COL26A1: variants seen among roughly 807,000 people sequenced by gnomAD.
The protein encoded by COL26A1 is collagen alpha-1(XXVI) chain.
COL26A1 carries 41 observed loss-of-function variants against 59.3 expected under a neutral mutation model. The ratio of observed to expected loss-of-function variants is 0.69; its 90% CI spans 0.54 to 0.90. The LOEUF (loss-of-function observed/expected upper bound fraction) is 0.90. Ranked by LOEUF, COL26A1 falls within the 40% of genes least tolerant of loss-of-function variation. The pLI is 0.00. For missense variants in COL26A1, 612 were observed against 602.3 expected (o/e 1.02, Z -0.17); for synonymous variants, 266 against 256.0 (o/e 1.04, Z -0.37).
At chr7:101,444,528 C>T (rs1328438874) in intron 2 of COL26A1, among the ~76,000 whole-genome samples, 2 of 151,530 alleles carry the variant, frequency 1.3e-5, no homozygotes, top group Non-Finnish European at 2.9e-5. Context: ...GATTCTCCTG[C>T]GTCAACCTCC....
chr7:101,545,357 G>A lies in COL26A1; in HGVS notation c.723G>A (p.Gly241=). 1.3e-6 allele frequency: 2 copies of A among 1,579,024 alleles called. No homozygotes were observed. Among genetic ancestry groups the A allele is most frequent in the Non-Finnish European group, 1.7e-6 (2 of 1,167,774 alleles). ...AGPPGLLGPP[G]PRGLPGEMGR... ...TTGCAGGGCTCCTGGGGCCTCCAGGGCCCCGTGGGCTTCCTGGAGAGATGG... is the reference window on the plus strand; with the variant it reads ...TTGCAGGGCTCCTGGGGCCTCCAGGACCCCGTGGGCTTCCTGGAGAGATGG... Residue 241 remains glycine, a synonymous_variant, in exon 7 of 13, where the codon GGG becomes GGA. Transcript: ENST00000313669.
chr7:101,443,470 C>T (rs756338310), intron 2 of COL26A1, among the ~76,000 whole-genome samples: 1 of 152,186 alleles, frequency 6.6e-6, no homozygotes, highest in Non-Finnish European at 1.5e-5. Context: ...GTCAACAGTG[C>T]GTCTCCAAAC....
intron 1 of COL26A1, among the ~76,000 whole-genome samples, chr7:101,406,989 GT>G (rs1792142865): frequency 6.6e-6 from 1 of 152,026 alleles, no homozygotes; most frequent in Non-Finnish European, 1.5e-5. Flanking sequence ...TACTTTCCAC[GT>G]TTTCACCTCC....
At chr7:101,551,227 T>A in intron 10 of COL26A1, 84 bp downstream of exon 10, 1 of 102,874 alleles carries the variant, frequency 9.7e-6, no homozygotes, top group Non-Finnish European at 1.8e-5. Flanking sequence ...TGGCGGGGGT[T>A]GGTGGGGGGG....
At chr7:101,466,275 A>G (rs1793755615) in intron 3 of COL26A1, among the ~76,000 whole-genome samples, 2 of 152,082 alleles carry the variant, frequency 1.3e-5, no homozygotes, top group South Asian at 2.1e-4. Context: ...AGAATTGTCA[A>G]TATATTGTAT....
chr7:101,441,597 C>T (rs1279229706), intron 2 of COL26A1, among the ~76,000 whole-genome samples: 1 of 152,178 alleles, frequency 6.6e-6, no homozygotes, highest in Non-Finnish European at 1.5e-5. Context: ...GGATTACAGG[C>T]GTGAGCCACC....
Position 101,509,440 on chromosome 7 carries a change from T to C in COL26A1, c.386-23642T>C, listed in dbSNP as rs930860994. On this transcript the variant is annotated intron_variant, in intron 3 of 12. Coordinates refer to ENST00000313669, the MANE Select transcript of COL26A1 (RefSeq NM_001278563.3). Reference sequence around the variant, plus strand: ...CAGCTCAGGCTACAGACTGAGACCCTGTCTCAAAAAAAAGAAAAAAGAAAA... The same window carrying C: ...CAGCTCAGGCTACAGACTGAGACCCCGTCTCAAAAAAAAGAAAAAAGAAAA... Among the ~76,000 whole-genome samples the C allele has an allele frequency of 3.9e-5, 6 of 151,980 alleles. No individual in the cohort carries two copies. The East Asian group carries it at 7.7e-4, about 20-fold the overall frequency.
intron 2 of COL26A1, among the ~76,000 whole-genome samples, chr7:101,430,527 G>A (rs1393926404): frequency 6.7e-6 from 1 of 149,252 alleles, no homozygotes. Flanking sequence ...TTGACCTCAT[G>A]ATCTGCCTGC....
rs1470268976 is a variant in COL26A1 at position 101,385,590 on chromosome 7, C to T, written c.158+22400C>T. 2.0e-5 allele frequency among the ~76,000 whole-genome samples: 3 copies of T among 151,912 alleles called. No homozygotes were observed. In the East Asian group the frequency reaches 5.8e-4, roughly 29 times the overall value. On this transcript the variant is annotated intron_variant, in intron 1 of 12. Coordinates refer to ENST00000313669, the MANE Select transcript of COL26A1 (RefSeq NM_001278563.3). The stretch of plus-strand genomic sequence containing the variant: ...TTCTCCATGTTGGCCAGGCTGGTCT[C>T]GAACTCCTGACCTCAAGTGATCCAC...
chr7:101,434,908 T>TTTA (rs1554410304), intron 2 of COL26A1, among the ~76,000 whole-genome samples: 3 of 151,760 alleles, frequency 2.0e-5, no homozygotes, highest in African/African-American at 7.3e-5. Flanking sequence ...GGAGGACATG[T>TTTA]TCAAAGATTC....
intron 3 of COL26A1, among the ~76,000 whole-genome samples, chr7:101,470,096 CT>C (rs199558276): frequency 1.3e-5 from 2 of 148,768 alleles, no homozygotes; most frequent in African/African-American, 2.5e-5. Flanking sequence ...AATGGATTGC[CT>C]TTTTTTTTGT....
chr7:101,466,456 C>A (rs556702018), intron 3 of COL26A1, among the ~76,000 whole-genome samples: 1 of 152,164 alleles, frequency 6.6e-6, no homozygotes, highest in African/African-American at 2.4e-5. Flanking sequence ...CATCCCAGCA[C>A]TTTAGGAGGC....
At chr7:101,369,124 T>TG (rs1188395463) in intron 1 of COL26A1, among the ~76,000 whole-genome samples, 3 of 151,844 alleles carry the variant, frequency 2.0e-5, no homozygotes, top group Non-Finnish European at 2.9e-5. Flanking sequence ...AAAGCAAAGA[T>TG]GGGGGGGCAT....
intron 2 of COL26A1, among the ~76,000 whole-genome samples, chr7:101,420,684 C>T (rs1452002590): frequency 3.5e-5 from 5 of 143,436 alleles, no homozygotes; most frequent in East Asian, 4.1e-4. Context: ...CTACCAGCCA[C>T]GCCCCTCACC....
chr7:101,394,913 A>G (rs1401504835), intron 1 of COL26A1, among the ~76,000 whole-genome samples: 1 of 123,850 alleles, frequency 8.1e-6, no homozygotes, highest in Non-Finnish European at 1.6e-5. Flanking sequence ...TCGTGCTGTC[A>G]CCTAGGCTAA....
At chr7:101,469,496 T>TC (rs1491513073) in intron 3 of COL26A1, among the ~76,000 whole-genome samples, 2 of 45,474 alleles carry the variant, frequency 4.4e-5, no homozygotes, top group Non-Finnish European at 9.5e-5. Flanking sequence ...GATTTCTCTC[T>TC]TTTTTTTTTT....
At chr7:101,513,788 G>A (rs1381879999) in intron 3 of COL26A1, among the ~76,000 whole-genome samples, 1 of 152,156 alleles carries the variant, frequency 6.6e-6, no homozygotes, top group Non-Finnish European at 1.5e-5. Context: ...ATGACAAAAG[G>A]CAGTGTTACC....
In COL26A1 at chr7:101,452,976, G is replaced by C. The variant is rs114377576; in HGVS notation, c.385+5189G>C. ...GACGGAGTCTCACCATGTTGGCCAA[G>C]CTGACCTCAAGTGATCTGCCCGCCC... On this transcript the variant is annotated intron_variant, in intron 3 of 12. Coordinates refer to ENST00000313669, the MANE Select transcript of COL26A1 (RefSeq NM_001278563.3). 9.8e-3 allele frequency among the ~76,000 whole-genome samples: 1,493 copies of C among 152,222 alleles called. 27 individuals carry two copies. The highest frequency in any genetic ancestry group is 0.034 in the African/African-American group (1,418 of 41,540).
intron 5 of COL26A1, among the ~76,000 whole-genome samples, chr7:101,540,825 G>A (rs1562796936): frequency 1.3e-5 from 2 of 152,022 alleles, no homozygotes; most frequent in Middle Eastern, 6.8e-3. Flanking sequence ...CTGGAAGACG[G>A]GGTGAAACCC....
Sources: allele counts gnomAD v4.1 joint callset (sites outside exome capture counted in the v4.1 genomes callset), GRCh38; gene constraint gnomAD v4.1.1; transcripts MANE v1.5; gene names NCBI Gene and HGNC (gene_info 2026-07-23, HGNC 2026-07-21).